The following AGPAT5 variants were observed in gnomAD, a reference collection of about 807,000 sequenced individuals.
The protein encoded by AGPAT5 is 1-acylglycerol-3-phosphate O-acyltransferase 5, also known as 1-acyl-sn-glycerol-3-phosphate acyltransferase epsilon.
In AGPAT5, 46 loss-of-function variants were observed where a neutral mutation model predicts 45.6. The ratio of observed to expected loss-of-function variants is 1.01; its 90% CI spans 0.80 to 1.29. The LOEUF (loss-of-function observed/expected upper bound fraction) is 1.29, where lower values mean the gene tolerates loss of function less well. Ranked by LOEUF, AGPAT5 falls within the 50% of genes most tolerant of loss-of-function variation. AGPAT5 has a pLI of 0.00. For synonymous variants in AGPAT5, 272 were observed against 167.0 expected, an observed-to-expected ratio of 1.63 and a Z score of -4.85; for missense variants, 673 against 450.7, an observed-to-expected ratio of 1.49 and a Z score of -4.47.
In AGPAT5 at chr8:6,744,249, A is replaced by G. The variant is rs545732878; in HGVS notation, c.586+2498A>G. On this transcript the variant is annotated intron_variant, in intron 5 of 7. Transcript: ENST00000285518. ...GAACAAATGTTTATTCTTTCTCATA[A>G]TCAAAGAAGTAGAAATTAAATGAAT... Among the ~76,000 whole-genome samples, 196 of 152,346 alleles carry G rather than the reference A, an allele frequency of 1.3e-3. 1 individual carries two copies. Among genetic ancestry groups the G allele is most frequent in the African/African-American group, 4.4e-3 (182 of 41,594 alleles).
At chr8:6,747,088 A>G (rs1801497361) in intron 5 of AGPAT5, among the ~76,000 whole-genome samples, 1 of 152,254 alleles carries the variant, frequency 6.6e-6, no homozygotes, top group Non-Finnish European at 1.5e-5. Flanking sequence ...TCATAGCAGC[A>G]TTATTCATAA....
chr8:6,735,546 C>G (rs926769328), intron 4 of AGPAT5, among the ~76,000 whole-genome samples: 1 of 152,144 alleles, frequency 6.6e-6, no homozygotes, highest in African/African-American at 2.4e-5. Context: ...TACATTGGCC[C>G]CCAACTAAAC....
At chr8:6,741,415 G>T (rs914512825) in intron 4 of AGPAT5, among the ~76,000 whole-genome samples, 1 of 152,078 alleles carries the variant, frequency 6.6e-6, no homozygotes, top group East Asian at 1.9e-4. Flanking sequence ...AATGTTTTTA[G>T]ATTCTTCATG....
At chr8:6,726,548 A>G (rs908383523) in intron 2 of AGPAT5, among the ~76,000 whole-genome samples, 7 of 152,196 alleles carry the variant, frequency 4.6e-5, no homozygotes, top group Admixed American at 4.6e-4. Context: ...ATTGATCACT[A>G]GTACTGTTAA....
intron 4 of AGPAT5, among the ~76,000 whole-genome samples, chr8:6,739,239 G>A (rs1801156906): frequency 6.6e-6 from 1 of 151,930 alleles, no homozygotes; most frequent in African/African-American, 2.4e-5. Flanking sequence ...TTCTAAATTT[G>A]TTCTTTCTTT....
intron 1 of AGPAT5, among the ~76,000 whole-genome samples, chr8:6,716,407 A>C (rs1293344378): frequency 1.3e-5 from 2 of 152,084 alleles, no homozygotes; most frequent in South Asian, 4.1e-4. Flanking sequence ...AAAAAAATAC[A>C]AACACTTACT....
chr8:6,757,187 A>C lies in AGPAT5; in HGVS notation c.894A>C (p.Ser298=). The change falls in exon 8 of 8, where the codon TCA becomes TCC. Residue 298 remains serine (S), a synonymous_variant. Coordinates refer to ENST00000285518, the MANE Select transcript of AGPAT5 (RefSeq NM_018361.5). ...GGATGCTTATAGAATTTTATGAGTCACCAGATCCAGAAAGAAGAAAAAGAT... is the reference window on the plus strand; with the variant it reads ...GGATGCTTATAGAATTTTATGAGTCCCCAGATCCAGAAAGAAGAAAAAGAT... The part of the protein sequence containing the change: ...KDKMLIEFYE[S]PDPERRKRFP... 1 of 1,613,890 alleles carries C rather than the reference A, an allele frequency of 6.2e-7. No individual in the cohort carries two copies. The highest frequency in any genetic ancestry group is 8.5e-7 in the Non-Finnish European group (1 of 1,179,974).
chr8:6,745,079 A>G (rs552246698), intron 5 of AGPAT5: 27 of 152,532 alleles, frequency 1.8e-4, no homozygotes, highest in African/African-American at 4.8e-4. Flanking sequence ...TCAGAAAGTT[A>G]TATTTCTCTG....
intron 1 of AGPAT5, among the ~76,000 whole-genome samples, chr8:6,717,047 A>T (rs1800356839): frequency 6.6e-6 from 1 of 152,200 alleles, no homozygotes. Flanking sequence ...GGAGGAAGAA[A>T]CATGACTCCA....
intron 1 of AGPAT5, among the ~76,000 whole-genome samples, chr8:6,717,743 C>T (rs1481159707): frequency 2.0e-5 from 3 of 152,048 alleles, no homozygotes; most frequent in Non-Finnish European, 4.4e-5. Flanking sequence ...GCATTGCTTC[C>T]GGGCTTAATT....
chr8:6,728,543 A>G (rs909211697), intron 2 of AGPAT5, among the ~76,000 whole-genome samples: 1 of 152,252 alleles, frequency 6.6e-6, no homozygotes, highest in East Asian at 1.9e-4. Flanking sequence ...ACTTTCTCTT[A>G]AAAGTTCTTG....
Position 6,730,833 on chromosome 8 carries a change from T to C in AGPAT5, c.405+7T>C. 1 of 1,596,902 alleles carries C rather than the reference T, an allele frequency of 6.3e-7. No homozygotes were observed. The highest frequency in any genetic ancestry group is 8.6e-7 in the Non-Finnish European group (1 of 1,165,488). On this transcript the variant is annotated splice_region_variant and intron_variant, in intron 3 of 7. Coordinates refer to ENST00000285518, the MANE Select transcript of AGPAT5 (RefSeq NM_018361.5). The stretch of plus-strand genomic sequence containing the variant: ...TGGGTGTTACTTTGCTCAGGTAACT[T>C]GTTTCCATGCTTTTCTCTCTATATA...
intron 2 of AGPAT5, among the ~76,000 whole-genome samples, chr8:6,729,649 C>A (rs1052386390): frequency 2.6e-5 from 4 of 152,160 alleles, no homozygotes; most frequent in Admixed American, 2.6e-4. Context: ...ACCATGTCCT[C>A]TGTTTCCCAT....
At chr8:6,718,368 T>C (rs1363808122) in intron 1 of AGPAT5, among the ~76,000 whole-genome samples, 1 of 152,158 alleles carries the variant, frequency 6.6e-6, no homozygotes, top group African/African-American at 2.4e-5. Flanking sequence ...GACGCAGCTG[T>C]GATATGAAGG....
chr8:6,754,743 C>T (rs978969308), intron 6 of AGPAT5, among the ~76,000 whole-genome samples: 2 of 152,088 alleles, frequency 1.3e-5, no homozygotes, highest in Non-Finnish European at 2.9e-5. Context: ...CTTCCTATTC[C>T]TGGGCTGTCT....
intron 5 of AGPAT5, among the ~76,000 whole-genome samples, chr8:6,743,073 G>T (rs1320930982): frequency 2.0e-5 from 3 of 152,138 alleles, no homozygotes; most frequent in Non-Finnish European, 4.4e-5. Flanking sequence ...GTTTTGGTCT[G>T]ATTTGAAATT....
chr8:6,747,079 C>A (rs967072899), intron 5 of AGPAT5, among the ~76,000 whole-genome samples: 7 of 152,228 alleles, frequency 4.6e-5, no homozygotes, highest in Non-Finnish European at 8.8e-5. Flanking sequence ...TATGAATGTT[C>A]ATAGCAGCAT....
intron 1 of AGPAT5, among the ~76,000 whole-genome samples, chr8:6,716,988 G>T (rs997670169): frequency 6.6e-6 from 1 of 152,088 alleles, no homozygotes; most frequent in African/African-American, 2.4e-5. Context: ...GCTCTAACAG[G>T]GTACCCAAGT....
intron 4 of AGPAT5, among the ~76,000 whole-genome samples, chr8:6,734,878 G>C (rs1219763948): frequency 6.6e-6 from 1 of 152,056 alleles, no homozygotes; most frequent in Admixed American, 6.5e-5. Flanking sequence ...TTGTTTGTAG[G>C]TTGGGGATGT....
Sources: allele counts gnomAD v4.1 joint callset (sites outside exome capture counted in the v4.1 genomes callset), GRCh38; gene constraint gnomAD v4.1.1; transcripts MANE v1.5; gene names NCBI Gene and HGNC (gene_info 2026-07-23, HGNC 2026-07-21).